PIP4K2A: variants seen among roughly 807,000 people sequenced by gnomAD.
PIP4K2A encodes phosphatidylinositol-5-phosphate 4-kinase type 2 alpha.
In PIP4K2A, 14 loss-of-function variants were observed where a neutral mutation model predicts 42.9. The observed-to-expected ratio is 0.33, with a 90% CI of 0.22 to 0.51. The LOEUF (loss-of-function observed/expected upper bound fraction) is 0.51. Ranked by LOEUF, PIP4K2A falls within the 20% of genes least tolerant of loss-of-function variation. The pLI, the probability that PIP4K2A is intolerant of heterozygous loss-of-function variation, is 0.97. For synonymous variants in PIP4K2A, 192 were observed against 192.2 expected, an observed-to-expected ratio of 1.00 and a Z score of 0.01; for missense variants, 434 against 519.8, an observed-to-expected ratio of 0.83 and a Z score of 1.61.
chr10:22,677,487 A>AGATGGGCACAACTCCCTGCC (rs1839581932), intron 1 of PIP4K2A, among the ~76,000 whole-genome samples: 1 of 152,230 alleles, frequency 6.6e-6, no homozygotes, highest in African/African-American at 2.4e-5. Flanking sequence ...AACTCCCTGC[A>AGATGGGCACAACTCCCTGCC]GATAGCCACA....
chr10:22,611,491 T>C (rs1838037967), intron 1 of PIP4K2A, among the ~76,000 whole-genome samples: 1 of 149,176 alleles, frequency 6.7e-6, no homozygotes, highest in African/African-American at 2.5e-5. Flanking sequence ...CTAGATACGC[T>C]GTAGTTAAAC....
Position 22,539,971 on chromosome 10 carries a change from G to A in PIP4K2A, c.1140C>T (p.Gly380=), listed in dbSNP as rs549534439. 1.9e-5 allele frequency: 29 copies of A among 1,549,118 alleles called. No homozygotes were observed. The highest frequency in any genetic ancestry group is 1.1e-4 in the South Asian group (10 of 89,748). The part of the protein sequence containing the change: ...AAHAAKTVKH[G]AGAEISTVNP... ...AAGGAAACAAAATGGAGATACTCAC[G>A]CCATGTTTAACAGTTTTTGCAGCAT... Residue 380 remains glycine (G), a splice_region_variant and synonymous_variant, in exon 9 of 10, where the codon GGC becomes GGT. Coordinates refer to ENST00000376573, the MANE Select transcript of PIP4K2A (RefSeq NM_005028.5).
intron 1 of PIP4K2A, among the ~76,000 whole-genome samples, chr10:22,651,661 T>C (rs1020134862): frequency 6.6e-5 from 10 of 152,374 alleles, no homozygotes; most frequent in Admixed American, 5.9e-4. Flanking sequence ...TATGCAGTTG[T>C]CATCATTGGT....
At position 22,677,171 on chromosome 10, in the gene PIP4K2A, T is replaced by C. The variant is rs116926003; in HGVS notation, c.144+37012A>G. Among the ~76,000 whole-genome samples, 335 of 152,142 alleles carry C rather than the reference T, an allele frequency of 2.2e-3. 6 individuals carry two copies. The East Asian group carries it at 0.051, about 23-fold the overall frequency. On this transcript the variant is annotated intron_variant, in intron 1 of 9. Coordinates refer to ENST00000376573, the MANE Select transcript of PIP4K2A (RefSeq NM_005028.5). ...TGTTTGCATCACCTGGCAAAGAAGG[T>C]ATTGGGCCCAGCTGGGGTTGAGAAT...
intron 3 of PIP4K2A, among the ~76,000 whole-genome samples, chr10:22,606,303 C>CTTGTA (rs1296598878): frequency 6.6e-6 from 1 of 152,086 alleles, no homozygotes; most frequent in East Asian, 1.9e-4. Flanking sequence ...AGAGCAAGAC[C>CTTGTA]TTGTATCAAG....
In PIP4K2A at chr10:22,714,462, G is replaced by A. The variant is rs939144319; in HGVS notation, c.-136C>T. On this transcript the variant is annotated 5_prime_UTR_variant, in exon 1 of 10. Coordinates refer to ENST00000376573, the MANE Select transcript of PIP4K2A (RefSeq NM_005028.5). Reference sequence around the variant, plus strand: ...GCCGCGCTCCGCTCCGCCCGCCGCCGCCGGCGCGCTCAGCCCCACTCGGCT... The same window carrying A: ...GCCGCGCTCCGCTCCGCCCGCCGCCACCGGCGCGCTCAGCCCCACTCGGCT... The A allele has an allele frequency of 8.0e-5, 30 of 374,894 alleles. No homozygotes were observed. Among genetic ancestry groups the A allele is most frequent in the East Asian group, 6.6e-4 (4 of 6,052 alleles). 23.2% of individuals were successfully genotyped at this position (374,894 alleles called of 1,614,324 possible). A position where few individuals can be genotyped will look rare whatever the true frequency, so the allele number is the denominator to read the frequency against.
At chr10:22,549,438 G>A (rs774451935) in intron 7 of PIP4K2A, among the ~76,000 whole-genome samples, 7 of 151,876 alleles carry the variant, frequency 4.6e-5, no homozygotes, top group Non-Finnish European at 1.0e-4. Context: ...GGTGTGCCAT[G>A]AAGTGTACAC....
intron 1 of PIP4K2A, among the ~76,000 whole-genome samples, chr10:22,635,249 T>G (rs963710657): frequency 4.6e-5 from 7 of 152,160 alleles, no homozygotes; most frequent in Non-Finnish European, 1.0e-4. Flanking sequence ...GAACTGTGGT[T>G]GACAATGAAA....
At chr10:22,623,313 C>T (rs997791756) in intron 1 of PIP4K2A, among the ~76,000 whole-genome samples, 2 of 152,038 alleles carry the variant, frequency 1.3e-5, no homozygotes, top group Non-Finnish European at 2.9e-5. Flanking sequence ...TGTTTAAATT[C>T]TTGATCACTT....
chr10:22,622,380 C>T (rs1424484101), intron 1 of PIP4K2A, among the ~76,000 whole-genome samples: 1 of 152,150 alleles, frequency 6.6e-6, no homozygotes, highest in Non-Finnish European at 1.5e-5. Context: ...AAACCCCAGC[C>T]CAAGAAGCTT....
At chr10:22,664,682 TAATA>T (rs1181480832) in intron 1 of PIP4K2A, among the ~76,000 whole-genome samples, 2 of 152,280 alleles carry the variant, frequency 1.3e-5, no homozygotes, top group East Asian at 3.9e-4. Flanking sequence ...TTTTTAATGC[TAATA>T]AATAATGTCC....
At chr10:22,587,856 C>T (rs1436973955) in intron 4 of PIP4K2A, among the ~76,000 whole-genome samples, 2 of 152,204 alleles carry the variant, frequency 1.3e-5, no homozygotes, top group Non-Finnish European at 1.5e-5. Flanking sequence ...CTAATTGCTG[C>T]GGGTGTGATG....
At chr10:22,689,322 C>T (rs761236732) in intron 1 of PIP4K2A, among the ~76,000 whole-genome samples, 8 of 152,186 alleles carry the variant, frequency 5.3e-5, no homozygotes, top group Non-Finnish European at 1.2e-4. Flanking sequence ...AAAAACACTG[C>T]TCTGCTATGT....
chr10:22,682,893 C>G (rs1324819928), intron 1 of PIP4K2A, among the ~76,000 whole-genome samples: 1 of 152,154 alleles, frequency 6.6e-6, no homozygotes, highest in African/African-American at 2.4e-5. Flanking sequence ...ACATATGCAT[C>G]ATTTGCGTCT....
At chr10:22,639,585 G>A (rs943196) in intron 1 of PIP4K2A, among the ~76,000 whole-genome samples, 39,621 of 151,756 alleles carry the variant, frequency 0.26, 5,459 homozygotes, top group Non-Finnish European at 0.31. Flanking sequence ...TGCACAATTC[G>A]CGGAATATCC....
At chr10:22,592,085 CT>C (rs1263322828) in intron 3 of PIP4K2A, among the ~76,000 whole-genome samples, 3 of 152,278 alleles carry the variant, frequency 2.0e-5, no homozygotes, top group Non-Finnish European at 4.4e-5. Context: ...TGGACAAGCT[CT>C]CAAAGTTTTC....
chr10:22,630,973 G>C (rs1323892936), intron 1 of PIP4K2A, among the ~76,000 whole-genome samples: 9 of 152,070 alleles, frequency 5.9e-5, no homozygotes, highest in Admixed American at 5.9e-4. Context: ...ATGGCAACAG[G>C]GACAAGAGAG....
rs138267425 is a variant in PIP4K2A at position 22,560,332 on chromosome 10, G to C, written c.678+7519C>G. 5.0e-3 allele frequency among the ~76,000 whole-genome samples: 756 copies of C among 152,280 alleles called. 7 individuals carry two copies. Among genetic ancestry groups the C allele is most frequent in the Middle Eastern group, 0.01 (3 of 294 alleles). ...TGCTGTGCTTTTGTGTCACGTTTGG[G>C]GAGCCCGCCGCCCTGGCCACCTCAC... On this transcript the variant is annotated intron_variant, in intron 6 of 9. Transcript: ENST00000376573.
chr10:22,634,818 C>A (rs1838626771), intron 1 of PIP4K2A, among the ~76,000 whole-genome samples: 3 of 152,264 alleles, frequency 2.0e-5, no homozygotes, highest in African/African-American at 7.2e-5. Context: ...TACTTACTGA[C>A]CTTTACTAGG....
Sources: gnomAD v4.1 joint callset for allele counts (sites outside exome capture counted in the v4.1 genomes callset) on GRCh38, gnomAD v4.1.1 for gene constraint, MANE v1.5 for transcripts, NCBI Gene and HGNC (gene_info 2026-07-23, HGNC 2026-07-21) for gene names.